The following HERC2 variants were observed in gnomAD, a reference collection of about 807,000 sequenced individuals.
The protein encoded by HERC2 is HECT and RLD domain containing E3 ubiquitin protein ligase 2, also known as E3 ubiquitin-protein ligase HERC2.
HERC2 carries 102 observed loss-of-function variants against 537.7 expected under a neutral mutation model. That is an observed-to-expected ratio of 0.19 (90% CI 0.16 to 0.22). The LOEUF is 0.22. Ranked by LOEUF, HERC2 falls within the 10% of genes least tolerant of loss-of-function variation. The pLI, the probability that HERC2 is intolerant of heterozygous loss-of-function variation, is 1.00. For missense variants in HERC2, 4,236 were observed against 6,198.2 expected (o/e 0.68, Z 10.63); for synonymous variants, 2,224 against 2,466.2 (o/e 0.90, Z 2.91).
intron 5 of HERC2, among the ~76,000 whole-genome samples, chr15:28,276,741 A>AAAAAAC (rs924419096): frequency 6.6e-6 from 1 of 151,048 alleles, no homozygotes; most frequent in Non-Finnish European, 1.5e-5. Context: ...TGTCTCAAAA[A>AAAAAAC]AAAAACAAAA....
intron 23 of HERC2, among the ~76,000 whole-genome samples, chr15:28,245,493 G>C (rs1903567718): frequency 6.6e-6 from 1 of 151,098 alleles, no homozygotes; most frequent in African/African-American, 2.4e-5. Flanking sequence ...GTTGCAGTGA[G>C]CTGAGATCAT....
chr15:28,144,356 T>C (rs796562575), intron 72 of HERC2, 121 bp from the exon 73 acceptor site: 8 of 973,054 alleles, frequency 8.2e-6, no homozygotes, highest in African/African-American at 4.9e-5. Flanking sequence ...ACAGCTGGTG[T>C]GCCCACGCAT....
chr15:28,239,269 G>T (rs1260771276), intron 23 of HERC2, among the ~76,000 whole-genome samples: 1 of 152,050 alleles, frequency 6.6e-6, no homozygotes, highest in African/African-American at 2.4e-5. Flanking sequence ...ATGCTTGAGG[G>T]CATTTATGCC....
intron 1 of HERC2, 80 bp from the exon 2 acceptor site, chr15:28,321,544 AAGAG>A (rs1485009760): frequency 3.4e-5 from 23 of 671,900 alleles, no homozygotes; most frequent in African/African-American, 8.7e-5. Flanking sequence ...GAAAAGAAAA[AAGAG>A]AGAGAGAACA....
At chr15:28,263,319 A>C in intron 14 of HERC2, 150 bp from the exon 15 acceptor site, 1 of 745,158 alleles carries the variant, frequency 1.3e-6, no homozygotes, top group Non-Finnish European at 2.1e-6. Context: ...TGAGCAAACG[A>C]AATCTAGGTG....
Position 28,176,397 on chromosome 15 carries a change from A to G in HERC2, c.9686+31T>C, listed in dbSNP as rs750002878. 3 of 1,611,166 alleles carry G rather than the reference A, an allele frequency of 1.9e-6. No individual in the cohort carries two copies. The South Asian group carries it at 3.3e-5, about 18-fold the overall frequency. On this transcript the variant is annotated intron_variant, in intron 63 of 92. Transcript: ENST00000261609. The surrounding 1 kb of genome is among the most constrained non-coding windows in gnomAD (Gnocchi z 5.0). ...TCCCTGCACACACCTGCACAAGCACACACAGTGTGACAGGGAGGACGTTTA... is the reference window on the plus strand; with the variant it reads ...TCCCTGCACACACCTGCACAAGCACGCACAGTGTGACAGGGAGGACGTTTA...
At chr15:28,132,605 C>A (rs1284933673) in intron 80 of HERC2, 48 bp downstream of exon 80, 1 of 1,359,318 alleles carries the variant, frequency 7.4e-7, no homozygotes, top group South Asian at 2.2e-5. Context: ...CTGACAGCAG[C>A]AGTGAGGAGC....
In HERC2 at chr15:28,220,556, T is replaced by C; in HGVS notation, c.5741A>G (p.Asn1914Ser). ...TCCTTCTTTCCCCATCCTGTAGGAG[T>C]TGGTGCTGCCTGTGTCCCACTGGAC... The part of the protein sequence containing the change: ...IRVQWDTGST[N>S]SYRMGKEGKY... The change falls in exon 37 of 93, where the codon AAC becomes AGC. Residue 1914 changes from asparagine to serine, a missense_variant. Coordinates refer to ENST00000261609, the MANE Select transcript of HERC2 (RefSeq NM_004667.6). 1 of 1,601,212 alleles carries C rather than the reference T, an allele frequency of 6.2e-7. No homozygotes were observed. The highest frequency in any genetic ancestry group is 8.5e-7 in the Non-Finnish European group (1 of 1,179,760).
intron 59 of HERC2, 53 bp downstream of exon 59, chr15:28,178,834 C>A: frequency 6.4e-7 from 1 of 1,556,884 alleles, no homozygotes; most frequent in East Asian, 2.3e-5. Context: ...TGGTTAACAA[C>A]GGAGCAGGAG....
chr15:28,157,558 G>A (rs1428890223), intron 69 of HERC2, among the ~76,000 whole-genome samples: 1 of 152,094 alleles, frequency 6.6e-6, no homozygotes, highest in Non-Finnish European at 1.5e-5. Context: ...TTCTCTGATG[G>A]TAGTTTGTAC....
chr15:28,143,829 C>A lies in HERC2; in HGVS notation c.11418+44G>T, dbSNP rs757992237. 1.9e-6 allele frequency: 3 copies of A among 1,612,264 alleles called. No individual in the cohort carries two copies. In the African/African-American group the frequency reaches 4.0e-5, roughly 22 times the overall value. On this transcript the variant is annotated intron_variant, in intron 74 of 92. Transcript: ENST00000261609. ...AGACTACTAAAGCAACATTTTATTC[C>A]CCAAGGGTCACAAATCTAGAAATTG... is the stretch of plus-strand genomic sequence containing the variant.
chr15:28,254,365 C>T lies in HERC2; in HGVS notation c.3025G>A (p.Val1009Ile), dbSNP rs1187630734. 2.5e-6 allele frequency: 4 copies of T among 1,604,504 alleles called. No homozygotes were observed. The South Asian group carries it at 3.4e-5, about 14-fold the overall frequency. ...CTAAGAAGCTGTTGTATGAGCTGAA[C>T]CAGAGGCAAACACTGTTTGCCAGAA... ...ESSGKQCLPL[V>I]QLIQQLLRNI... is the part of the protein sequence containing the mutation. Residue 1009 changes from valine to isoleucine, a missense_variant, in exon 20 of 93, where the codon GTT (valine) becomes ATT (isoleucine). Around this residue, in one of 27 missense-constraint regions of HERC2, gnomAD observed 754 missense variants for 1,085.0 expected, o/e 0.69. Transcript: ENST00000261609.
intron 12 of HERC2, among the ~76,000 whole-genome samples, chr15:28,267,210 C>A (rs1261830787): frequency 1.3e-5 from 2 of 152,190 alleles, no homozygotes; most frequent in African/African-American, 2.4e-5. Context: ...CAGGTGCTCA[C>A]AGGGACAGCC....
intron 53 of HERC2, among the ~76,000 whole-genome samples, 200 bp downstream of exon 53, chr15:28,191,761 G>A (rs1012914749): frequency 2.6e-5 from 4 of 152,152 alleles, no homozygotes; most frequent in Non-Finnish European, 4.4e-5. Context: ...TCTATTACTC[G>A]TATTGTTTAA....
intron 78 of HERC2, among the ~76,000 whole-genome samples, chr15:28,137,088 A>G (rs1229615865): frequency 5.3e-5 from 8 of 152,182 alleles, no homozygotes; most frequent in African/African-American, 1.9e-4. Flanking sequence ...GAACCCAAAC[A>G]CTGGGTAACA....
chr15:28,145,568 CT>C (rs1475041014), intron 71 of HERC2, among the ~76,000 whole-genome samples: 4 of 152,216 alleles, frequency 2.6e-5, no homozygotes, highest in Non-Finnish European at 4.4e-5. Flanking sequence ...CTAAGTAACA[CT>C]GTGTGAATAA....
At chr15:28,316,222 CAAAAAAAAAAAAAAAA>C (rs869089875) in intron 2 of HERC2, among the ~76,000 whole-genome samples, 1 of 50,542 alleles carries the variant, frequency 2.0e-5, no homozygotes, top group East Asian at 3.2e-4. Flanking sequence ...GACTCTGTCT[CAAAAAAAAAAAAAAAA>C]AAAAAAAAAG....
chr15:28,254,959 C>T (rs1195232166), intron 19 of HERC2, among the ~76,000 whole-genome samples: 1 of 152,212 alleles, frequency 6.6e-6, no homozygotes, highest in African/African-American at 2.4e-5. Context: ...TAACAAATTC[C>T]ACTCCAAGTG....
intron 9 of HERC2, 69 bp from the exon 10 acceptor site, chr15:28,270,937 A>AT (rs2075709330): frequency 2.1e-6 from 3 of 1,415,896 alleles, no homozygotes; most frequent in Admixed American, 2.0e-5. Flanking sequence ...ATTAACCTTT[A>AT]CCCACGCTTT....
Sources: allele counts gnomAD v4.1 joint callset (sites outside exome capture counted in the v4.1 genomes callset), GRCh38; gene constraint gnomAD v4.1.1; regional missense constraint gnomAD v4.1.1; non-coding constraint Gnocchi (gnomAD v3.1); transcripts MANE v1.5; gene names NCBI Gene and HGNC (gene_info 2026-07-23, HGNC 2026-07-21).